LRP1B: variants seen among roughly 807,000 people sequenced by gnomAD.
LRP1B encodes the protein low-density lipoprotein receptor-related protein 1B.
Under a neutral mutation model 556.6 loss-of-function variants are expected in LRP1B, and 217 were observed. That is an observed-to-expected ratio of 0.39 (90% CI 0.35 to 0.44). The LOEUF is 0.44. Ranked by LOEUF, LRP1B falls within the 20% of genes least tolerant of loss-of-function variation. LRP1B has a pLI of 1.00. For missense variants in LRP1B, 5,053 were observed against 5,620.8 expected, an observed-to-expected ratio of 0.90 and a Z score of 3.23; for synonymous variants, 2,047 against 1,865.8, an observed-to-expected ratio of 1.10 and a Z score of -2.50.
At chr2:140,435,542 C>A (rs547044032) in intron 66 of LRP1B, among the ~76,000 whole-genome samples, 6 of 152,102 alleles carry the variant, frequency 3.9e-5, no homozygotes, top group Non-Finnish European at 8.8e-5. Context: ...ATTTCTCTTA[C>A]GGCTTTTGCT....
At chr2:141,960,972 T>A (rs1701387411) in intron 1 of LRP1B, among the ~76,000 whole-genome samples, 1 of 151,790 alleles carries the variant, frequency 6.6e-6, no homozygotes, top group African/African-American at 2.4e-5. Flanking sequence ...TTATTAAATT[T>A]AAACTCAAAT....
Position 140,385,884 on chromosome 2 carries a change from G to T in LRP1B, c.10531+9C>A. The T allele has an allele frequency of 4.5e-6, 7 of 1,568,482 alleles. No individual in the cohort carries two copies. Among genetic ancestry groups the T allele is most frequent in the Non-Finnish European group, 6.1e-6 (7 of 1,138,864 alleles). ...AAGCTCAAAACATTATTAGGCAAGA[G>T]TTACTTACTACAGTTTTCTTCATCT... On this transcript the variant is annotated intron_variant, in intron 67 of 90. Coordinates refer to ENST00000389484, the MANE Select transcript of LRP1B (RefSeq NM_018557.3).
At chr2:141,111,154 TA>T (rs1395862967) in intron 7 of LRP1B, among the ~76,000 whole-genome samples, 2 of 150,854 alleles carry the variant, frequency 1.3e-5, no homozygotes, top group Admixed American at 1.3e-4. Flanking sequence ...CATAATGCAA[TA>T]AAAATAAAAT....
intron 35 of LRP1B, among the ~76,000 whole-genome samples, chr2:140,728,239 A>G (rs1384935839): frequency 2.0e-5 from 3 of 152,132 alleles, no homozygotes; most frequent in Non-Finnish European, 4.4e-5. Flanking sequence ...TTAAGCAATA[A>G]CTGTTTTTAG....
intron 41 of LRP1B, among the ~76,000 whole-genome samples, chr2:140,605,390 T>C (rs769010273): frequency 6.6e-6 from 1 of 152,160 alleles, no homozygotes; most frequent in Non-Finnish European, 1.5e-5. Flanking sequence ...CCAGATCTGA[T>C]GTTGAACTCT....
At chr2:140,597,936 T>C (rs988228414) in intron 43 of LRP1B, among the ~76,000 whole-genome samples, 1 of 152,166 alleles carries the variant, frequency 6.6e-6, no homozygotes, top group Non-Finnish European at 1.5e-5. Flanking sequence ...CCTTCAGGCC[T>C]GTACAGTGGT....
At chr2:140,311,331 T>TA (rs1382812479) in intron 83 of LRP1B, among the ~76,000 whole-genome samples, 1 of 151,868 alleles carries the variant, frequency 6.6e-6, no homozygotes, top group East Asian at 1.9e-4. Context: ...ACACACACAC[T>TA]ATGGGATACT....
intron 1 of LRP1B, among the ~76,000 whole-genome samples, chr2:142,032,483 TC>T (rs1703743410): frequency 6.6e-6 from 1 of 151,870 alleles, no homozygotes; most frequent in African/African-American, 2.4e-5. Context: ...GCTTCCTCTT[TC>T]TTTGCACTTA....
intron 2 of LRP1B, among the ~76,000 whole-genome samples, chr2:141,490,930 GTTTTTTT>G (rs67482957): frequency 0.77 from 104,385 of 135,710 alleles, 41,430 homozygotes; most frequent in Non-Finnish European, 0.87. Context: ...AGGTTAAAAT[GTTTTTTT>G]TTTTTTTTTT....
intron 53 of LRP1B, 64 bp downstream of exon 53, chr2:140,506,732 A>T (rs2104906409): frequency 6.5e-7 from 1 of 1,540,690 alleles, no homozygotes; most frequent in African/African-American, 1.4e-5. Context: ...TTTTTTATTT[A>T]CATACTAGTT....
intron 20 of LRP1B, among the ~76,000 whole-genome samples, chr2:140,937,811 C>A (rs935804688): frequency 3.3e-5 from 5 of 151,802 alleles, no homozygotes; most frequent in African/African-American, 1.2e-4. Context: ...GTTTTAATTT[C>A]CTCTCTCTCT....
At chr2:140,527,887 C>G (rs924714047) in intron 47 of LRP1B, among the ~76,000 whole-genome samples, 1 of 151,874 alleles carries the variant, frequency 6.6e-6, no homozygotes, top group Non-Finnish European at 1.5e-5. Flanking sequence ...CTTATAATCT[C>G]TTTTTAGAAG....
chr2:141,313,090 C>G (rs1686873504), intron 3 of LRP1B, among the ~76,000 whole-genome samples: 1 of 152,164 alleles, frequency 6.6e-6, no homozygotes, highest in African/African-American at 2.4e-5. Flanking sequence ...CACCCCGACA[C>G]ACAGTAGAGT....
At chr2:141,878,189 A>G (rs1443820983) in intron 1 of LRP1B, among the ~76,000 whole-genome samples, 1 of 151,982 alleles carries the variant, frequency 6.6e-6, no homozygotes, top group Non-Finnish European at 1.5e-5. Context: ...CCTGTAGGCT[A>G]GAGCTATAGA....
Position 141,725,986 on chromosome 2 carries a change from C to T in LRP1B, c.205+84293G>A, listed in dbSNP as rs921083812. On this transcript the variant is annotated intron_variant, in intron 2 of 90. Transcript: ENST00000389484. ...AATTGGCTGGCATATAACAGATGCT[C>T]AATAAAAACAACTCATTACTCTTTT... Among the ~76,000 whole-genome samples the T allele has an allele frequency of 7.3e-5, 11 of 151,474 alleles. No homozygotes were observed. In the East Asian group the frequency reaches 7.8e-4, roughly 11 times the overall value.
chr2:141,946,789 C>T (rs530140646), intron 1 of LRP1B, among the ~76,000 whole-genome samples: 185 of 151,924 alleles, frequency 1.2e-3, no homozygotes, highest in Non-Finnish European at 2.2e-3. Flanking sequence ...TGTATCTCAC[C>T]GACATTATTT....
At chr2:141,914,998 A>G (rs1200360867) in intron 1 of LRP1B, among the ~76,000 whole-genome samples, 2 of 152,184 alleles carry the variant, frequency 1.3e-5, no homozygotes, top group African/African-American at 4.8e-5. Flanking sequence ...TAGATAAACT[A>G]ATCTAAAATT....
At chr2:141,799,989 C>T (rs1695955401) in intron 2 of LRP1B, among the ~76,000 whole-genome samples, 1 of 152,018 alleles carries the variant, frequency 6.6e-6, no homozygotes, top group Non-Finnish European at 1.5e-5. Flanking sequence ...TGATCATATC[C>T]TTTCTAATTG....
chr2:140,458,963 T>A (rs915608058), intron 60 of LRP1B, among the ~76,000 whole-genome samples: 1 of 152,034 alleles, frequency 6.6e-6, no homozygotes, highest in African/African-American at 2.4e-5. Context: ...ACTTTCATAA[T>A]ATAAAATCTA....
Sources: allele counts gnomAD v4.1 joint callset (sites outside exome capture counted in the v4.1 genomes callset), GRCh38; gene constraint gnomAD v4.1.1; transcripts MANE v1.5; gene names NCBI Gene and HGNC (gene_info 2026-07-23, HGNC 2026-07-21).